Variants in LPP observed in about 807,000 individuals in gnomAD.
LPP encodes lipoma-preferred partner.
A neutral mutation model predicts 60.4 loss-of-function variants in LPP; 38 were observed. That is an observed-to-expected ratio of 0.63 (90% confidence interval 0.49 to 0.83). The LOEUF is 0.83. Ranked by LOEUF, LPP falls within the 40% of genes least tolerant of loss-of-function variation. The pLI, the probability that LPP is intolerant of heterozygous loss-of-function variation, is 0.00. For missense variants in LPP, 902 were observed against 783.6 expected (o/e 1.15, Z -1.80); for synonymous variants, 328 against 290.8 (o/e 1.13, Z -1.30).
intron 5 of LPP, among the ~76,000 whole-genome samples, chr3:188,495,064 T>TATATATATATATATATATATATATA (rs1809541137): frequency 1.9e-5 from 1 of 53,874 alleles, no homozygotes; most frequent in Non-Finnish European, 3.3e-5. Context: ...GTTCAGGATT[T>TATATATATATATATATATATATATA]TATATATATA....
At chr3:188,550,223 G>A (rs1827733959) in intron 6 of LPP, among the ~76,000 whole-genome samples, 1 of 152,062 alleles carries the variant, frequency 6.6e-6, no homozygotes, top group South Asian at 2.1e-4. Context: ...GATTTCAAAG[G>A]CATAATTCAA....
chr3:188,715,442 T>C (rs891319728), intron 8 of LPP, among the ~76,000 whole-genome samples: 2 of 146,260 alleles, frequency 1.4e-5, no homozygotes, highest in Non-Finnish European at 1.5e-5. Context: ...TAAATTATTA[T>C]AATTTAGAGT....
intron 4 of LPP, among the ~76,000 whole-genome samples, chr3:188,432,473 A>G (rs1791151804): frequency 6.6e-6 from 1 of 152,176 alleles, no homozygotes; most frequent in Non-Finnish European, 1.5e-5. Context: ...CGAAGTTCTA[A>G]GATAAAAATG....
At chr3:188,509,275 T>A (rs1167971178) in intron 5 of LPP, among the ~76,000 whole-genome samples, 1 of 152,186 alleles carries the variant, frequency 6.6e-6, no homozygotes, top group Non-Finnish European at 1.5e-5. Context: ...AGTGGACACA[T>A]GATTTCTACT....
At chr3:188,752,047 G>C (rs1460385883) in intron 8 of LPP, among the ~76,000 whole-genome samples, 1 of 152,254 alleles carries the variant, frequency 6.6e-6, no homozygotes, top group South Asian at 2.1e-4. Context: ...TGTTCTAGTT[G>C]TTATGAGCTC....
chr3:188,191,892 A>G (rs1728274563), intron 1 of LPP, among the ~76,000 whole-genome samples: 1 of 152,190 alleles, frequency 6.6e-6, no homozygotes, highest in African/African-American at 2.4e-5. Flanking sequence ...ATATTTAAAT[A>G]TGTATAACAC....
At chr3:188,687,688 C>A (rs1295468375) in intron 7 of LPP, among the ~76,000 whole-genome samples, 1 of 151,992 alleles carries the variant, frequency 6.6e-6, no homozygotes, top group Non-Finnish European at 1.5e-5. Flanking sequence ...AATTCAATGA[C>A]CCTTTCTTAC....
intron 8 of LPP, among the ~76,000 whole-genome samples, chr3:188,755,581 G>C (rs1729862663): frequency 6.6e-6 from 1 of 152,090 alleles, no homozygotes; most frequent in African/African-American, 2.4e-5. Context: ...AGGTTGGAGG[G>C]TTGCATGATC....
At chr3:188,422,655 C>T (rs937760726) in intron 4 of LPP, among the ~76,000 whole-genome samples, 7 of 152,086 alleles carry the variant, frequency 4.6e-5, no homozygotes, top group Non-Finnish European at 1.5e-5. Context: ...AAAATGCATG[C>T]CTTGTGCAAT....
At chr3:188,627,490 G>T (rs1847055402) in intron 7 of LPP, among the ~76,000 whole-genome samples, 1 of 152,046 alleles carries the variant, frequency 6.6e-6, no homozygotes, top group Non-Finnish European at 1.5e-5. Context: ...AGCAGAGGTT[G>T]CTATTCTATT....
chr3:188,799,833 G>A (rs1746469094), intron 9 of LPP, among the ~76,000 whole-genome samples: 1 of 152,158 alleles, frequency 6.6e-6, no homozygotes, highest in African/African-American at 2.4e-5. Context: ...AATTATAAAA[G>A]TGATTTCTTT....
chr3:188,391,341 G>C, intron 3 of LPP, among the ~76,000 whole-genome samples: 1 of 152,186 alleles, frequency 6.6e-6, no homozygotes, highest in Non-Finnish European at 1.5e-5. Flanking sequence ...GGTGTGCTCT[G>C]TGCACGGCTC....
intron 7 of LPP, among the ~76,000 whole-genome samples, chr3:188,670,346 T>C (rs1856719409): frequency 6.6e-6 from 1 of 152,156 alleles, no homozygotes; most frequent in African/African-American, 2.4e-5. Context: ...CAAAATTCCT[T>C]GTTTACAGAT....
chr3:188,800,175 CTT>C (rs35258838), intron 9 of LPP, among the ~76,000 whole-genome samples: 1,619 of 115,688 alleles, frequency 0.014, 26 homozygotes, highest in African/African-American at 0.042. Flanking sequence ...AACATTGTTT[CTT>C]TTTTTTTTTT....
intron 2 of LPP, among the ~76,000 whole-genome samples, chr3:188,264,772 TTC>T (rs879879562): frequency 3.7e-5 from 5 of 135,578 alleles, no homozygotes; most frequent in Non-Finnish European, 6.7e-5. Context: ...ACCTTTTTTC[TTC>T]TCTCTCTCTC....
intron 2 of LPP, among the ~76,000 whole-genome samples, chr3:188,233,965 A>G (rs755823793): frequency 6.6e-6 from 1 of 151,998 alleles, no homozygotes; most frequent in Non-Finnish European, 1.5e-5. Context: ...TTCTGCTGGA[A>G]TGCTCACCCC....
At chr3:188,850,080 G>A (rs1283367896) in intron 9 of LPP, among the ~76,000 whole-genome samples, 3 of 152,186 alleles carry the variant, frequency 2.0e-5, no homozygotes, top group Admixed American at 1.3e-4. Flanking sequence ...AGGCCTAGAG[G>A]TTGTTAGTTT....
intron 6 of LPP, among the ~76,000 whole-genome samples, chr3:188,557,019 AT>A (rs1286295130): frequency 6.6e-6 from 1 of 152,076 alleles, no homozygotes; most frequent in Non-Finnish European, 1.5e-5. Context: ...ATCCTGAGGT[AT>A]ATCATGCAGG....
rs146704886 is a variant in LPP, at chr3:188,352,562, T to C, written c.-10+10843T>C. On this transcript the variant is annotated intron_variant, in intron 3 of 11. Coordinates refer to ENST00000617246, the MANE Select transcript of LPP (RefSeq NM_001375462.1). This position sits in a 1 kb window ranked among gnomAD's most constrained non-coding sequence, Gnocchi z 4.4. ...AATGTTTAGGAGCAAGAAGGGCTTG[T>C]GAATATCCCGTACTCTCATTTGATG... Among the ~76,000 whole-genome samples the C allele has an allele frequency of 2.1e-3, 313 of 152,302 alleles. 1 individual carries two copies. Among genetic ancestry groups the C allele is most frequent in the African/African-American group, 7.2e-3 (298 of 41,576 alleles).
Sources: allele counts gnomAD v4.1 joint callset (sites outside exome capture counted in the v4.1 genomes callset), GRCh38; gene constraint gnomAD v4.1.1; non-coding constraint Gnocchi (gnomAD v3.1); transcripts MANE v1.5; gene names NCBI Gene and HGNC (gene_info 2026-07-23, HGNC 2026-07-21).